PTPN3: variants seen among roughly 807,000 people sequenced by gnomAD.
The protein encoded by PTPN3 is protein tyrosine phosphatase non-receptor type 3, also known as tyrosine-protein phosphatase non-receptor type 3.
In PTPN3, 96 loss-of-function variants were observed where a neutral mutation model predicts 132.7. The ratio of observed to expected loss-of-function variants is 0.72; its 90% CI spans 0.61 to 0.86. The LOEUF (loss-of-function observed/expected upper bound fraction) is 0.86, where lower values mean the gene tolerates loss of function less well. PTPN3 is among the 40% of genes least tolerant of loss of function. The pLI is 0.00. For synonymous variants in PTPN3, 398 were observed against 429.0 expected, an observed-to-expected ratio of 0.93 and a Z score of 0.89; for missense variants, 1,125 against 1,159.6, an observed-to-expected ratio of 0.97 and a Z score of 0.43.
chr9:109,486,377 G>C (rs1354484103), intron 1 of PTPN3, among the ~76,000 whole-genome samples: 2 of 152,166 alleles, frequency 1.3e-5, no homozygotes, highest in African/African-American at 4.8e-5. Context: ...ACAGGCGCAA[G>C]GGGCCTATTT....
the PTPN3 span, among the ~76,000 whole-genome samples, chr9:109,522,057 T>C: frequency 6.6e-6 from 1 of 152,138 alleles, no homozygotes; most frequent in East Asian, 1.9e-4. Context: ...CTGGGCTTTA[T>C]TTGCTGTCTG....
intron 1 of PTPN3, among the ~76,000 whole-genome samples, chr9:109,490,500 G>A (rs1226916880): frequency 2.0e-5 from 3 of 152,212 alleles, no homozygotes; most frequent in African/African-American, 7.2e-5. Context: ...CACTTTGGGA[G>A]GCCGAGGTGG....
At chr9:109,427,252 G>A in intron 11 of PTPN3, 130 bp from the exon 12 acceptor site, 1 of 960,114 alleles carries the variant, frequency 1.0e-6, no homozygotes, top group South Asian at 1.7e-5. Context: ...AAATGCCGTG[G>A]CCACAAACCA....
chr9:109,447,941 C>A (rs773740509), intron 6 of PTPN3, among the ~76,000 whole-genome samples: 2 of 152,132 alleles, frequency 1.3e-5, no homozygotes, highest in Non-Finnish European at 2.9e-5. Flanking sequence ...GTGGGACTGT[C>A]GGGGGTGGGG....
intron 5 of PTPN3, chr9:109,449,646 A>G (rs1005755057): frequency 5.1e-6 from 5 of 985,338 alleles, no homozygotes; most frequent in African/African-American, 3.5e-5. Context: ...TGCGGCATAC[A>G]TGTGACACTT....
chr9:109,449,159 A>G, intron 5 of PTPN3: 2 of 1,181,896 alleles, frequency 1.7e-6, no homozygotes, highest in Non-Finnish European at 2.1e-6. Context: ...ATGGGCTGGT[A>G]CTATGGGTTC....
chr9:109,531,857 TAA>T, the PTPN3 span, among the ~76,000 whole-genome samples: 85 of 150,982 alleles, frequency 5.6e-4, no homozygotes, highest in East Asian at 0.011. Context: ...ACTTGGAGGT[TAA>T]AAAAAAAAAT....
At chr9:109,526,988 A>G in the PTPN3 span, among the ~76,000 whole-genome samples, 36 of 152,356 alleles carry the variant, frequency 2.4e-4, no homozygotes, top group Admixed American at 5.2e-4. Flanking sequence ...TAGATCTTTC[A>G]TACCATACAC....
At chr9:109,462,773 A>T (rs942836871) in intron 2 of PTPN3, among the ~76,000 whole-genome samples, 1 of 152,026 alleles carries the variant, frequency 6.6e-6, no homozygotes, top group Non-Finnish European at 1.5e-5. Context: ...ATTGTTTCAC[A>T]ACCCACTCAC....
At chr9:109,475,725 AAGC>A (rs1278491198) in intron 1 of PTPN3, among the ~76,000 whole-genome samples, 1 of 152,216 alleles carries the variant, frequency 6.6e-6, no homozygotes, top group Non-Finnish European at 1.5e-5. Flanking sequence ...TTACAGCCAA[AAGC>A]AGCAGAAGCC....
chr9:109,486,099 A>T (rs1346101068), intron 1 of PTPN3, among the ~76,000 whole-genome samples: 1 of 152,250 alleles, frequency 6.6e-6, no homozygotes, highest in Non-Finnish European at 1.5e-5. Context: ...CCTAGAGTCC[A>T]GCCACTCAAC....
intron 1 of PTPN3, among the ~76,000 whole-genome samples, chr9:109,475,257 A>G (rs1846598844): frequency 6.6e-6 from 1 of 152,210 alleles, no homozygotes; most frequent in Non-Finnish European, 1.5e-5. Context: ...TGTTTCAACA[A>G]TTCCAAGGTT....
the PTPN3 span, chr9:109,534,386 G>T: frequency 1.7e-5 from 25 of 1,463,454 alleles, no homozygotes; most frequent in Admixed American, 7.3e-5. Context: ...TCCTCCCGGG[G>T]TGTGATGGTA....
intron 25 of PTPN3, 78 bp downstream of exon 25, chr9:109,381,574 C>T: frequency 2.6e-6 from 4 of 1,559,280 alleles, no homozygotes; most frequent in Non-Finnish European, 3.5e-6. Context: ...TGTTGACTCA[C>T]AAAGCCCTTC....
At chr9:109,478,948 C>A (rs1417713454) in intron 1 of PTPN3, among the ~76,000 whole-genome samples, 3 of 152,072 alleles carry the variant, frequency 2.0e-5, no homozygotes. Flanking sequence ...CCCACTACCT[C>A]TTCTGGTCTT....
intron 14 of PTPN3, among the ~76,000 whole-genome samples, chr9:109,416,998 G>A (rs983227710): frequency 6.6e-6 from 1 of 152,148 alleles, no homozygotes; most frequent in African/African-American, 2.4e-5. Context: ...TTTCTTTAGG[G>A]AACATTCTCT....
At chr9:109,414,782 TGAG>T (rs918655659) in intron 14 of PTPN3, among the ~76,000 whole-genome samples, 137 of 152,362 alleles carry the variant, frequency 9.0e-4, no homozygotes, top group African/African-American at 3.2e-3. Flanking sequence ...CTGAATTCTC[TGAG>T]GAGAATTTCT....
intron 1 of PTPN3, among the ~76,000 whole-genome samples, chr9:109,468,260 G>A (rs1846196482): frequency 6.6e-6 from 1 of 152,122 alleles, no homozygotes; most frequent in South Asian, 2.1e-4. Context: ...TTTATAATAT[G>A]GAAGCCAAGC....
chr9:109,421,879 C>T lies in PTPN3; in HGVS notation c.1136+839G>A, dbSNP rs141864301. ...ATCCTGGATCAGGTATTTACAGCCA[C>T]GCACTCTTACTCCAGTGTGGAGCTG... On this transcript the variant is annotated intron_variant, in intron 13 of 25. Transcript: ENST00000374541. 6.2e-3 allele frequency among the ~76,000 whole-genome samples: 940 copies of T among 152,314 alleles called. 9 individuals are homozygous for T. Among genetic ancestry groups the T allele is most frequent in the Non-Finnish European group, 9.9e-3 (671 of 68,034 alleles).
Sources: allele counts gnomAD v4.1 joint callset (sites outside exome capture counted in the v4.1 genomes callset), GRCh38; gene constraint gnomAD v4.1.1; transcripts MANE v1.5; gene names NCBI Gene and HGNC (gene_info 2026-07-23, HGNC 2026-07-21).